STPG2: variants seen among roughly 807,000 people sequenced by gnomAD.
The protein encoded by STPG2 is sperm tail PG-rich repeat containing 2.
Under a neutral mutation model 54.2 loss-of-function variants are expected in STPG2, and 56 were observed. The observed-to-expected ratio is 1.03, with a 90% confidence interval of 0.83 to 1.29. The LOEUF (loss-of-function observed/expected upper bound fraction) is 1.29. Among genes scored for constraint, STPG2 ranks in the 50% most tolerant of loss-of-function variants. The pLI, the probability that STPG2 is intolerant of heterozygous loss-of-function variation, is 0.00. For missense variants in STPG2, 596 were observed against 544.9 expected, an observed-to-expected ratio of 1.09 and a Z score of -0.93; for synonymous variants, 200 against 181.8, an observed-to-expected ratio of 1.10 and a Z score of -0.81.
intron 10 of STPG2, among the ~76,000 whole-genome samples, chr4:97,572,340 CA>C (rs1166688401): frequency 6.6e-6 from 1 of 152,166 alleles, no homozygotes; most frequent in Non-Finnish European, 1.5e-5. Context: ...GCTTATTACT[CA>C]TTCCTGTCAT....
chr4:97,627,791 TAAG>T (rs1236855672), intron 10 of STPG2, among the ~76,000 whole-genome samples: 2 of 152,098 alleles, frequency 1.3e-5, no homozygotes, highest in African/African-American at 2.4e-5. Flanking sequence ...CACTGGTAGC[TAAG>T]AAGTACCATG....
At chr4:97,635,887 C>T (rs983690382) in intron 10 of STPG2, among the ~76,000 whole-genome samples, 2 of 152,004 alleles carry the variant, frequency 1.3e-5, no homozygotes, top group African/African-American at 2.4e-5. Flanking sequence ...CACACATTAA[C>T]AATGGGAGAC....
chr4:97,630,297 G>A (rs944980346), intron 10 of STPG2, among the ~76,000 whole-genome samples: 1 of 151,736 alleles, frequency 6.6e-6, no homozygotes, highest in African/African-American at 2.4e-5. Flanking sequence ...AACAATTGTG[G>A]TTATTTTTAA....
intron 9 of STPG2, among the ~76,000 whole-genome samples, chr4:97,732,181 G>A (rs1047560256): frequency 5.3e-5 from 8 of 152,150 alleles, no homozygotes; most frequent in Admixed American, 1.3e-4. Flanking sequence ...TGCCGCAGCT[G>A]CCCCATTCAC....
chr4:97,533,050 T>C (rs1440148026), intron 4 of STPG2, among the ~76,000 whole-genome samples: 1 of 152,012 alleles, frequency 6.6e-6, no homozygotes, highest in Non-Finnish European at 1.5e-5. Context: ...ACCCGGCTAA[T>C]TTTTTTATTT....
At position 97,841,072 on chromosome 4, in the gene STPG2, TAAA is replaced by T; in HGVS notation, c.1045-143_1045-141del. On this transcript the variant is annotated intron_variant, in intron 8 of 10. Coordinates refer to ENST00000295268, the MANE Select transcript of STPG2 (RefSeq NM_174952.3). Reference sequence around the variant, plus strand: ...TAATTAAACATTAAAAATAGAAACTTAAAAAGGAATTCTTAAATCTAGCCTGCC... The same window carrying T: ...TAATTAAACATTAAAAATAGAAACTTAAGGAATTCTTAAATCTAGCCTGCC... 8.1e-6 allele frequency: 7 copies of T among 863,108 alleles called. No homozygotes were observed. In the South Asian group the frequency reaches 1.6e-4, roughly 20 times the overall value. 53.5% of individuals were successfully genotyped at this position (863,108 alleles called of 1,614,324 possible).
At chr4:97,451,184 A>G (rs1729355916) in intron 4 of STPG2, among the ~76,000 whole-genome samples, 2 of 152,202 alleles carry the variant, frequency 1.3e-5, no homozygotes, top group South Asian at 4.1e-4. Flanking sequence ...TATAAAACAG[A>G]TTAGAATGTC....
intron 7 of STPG2, among the ~76,000 whole-genome samples, chr4:97,948,543 G>T (rs1398465305): frequency 6.6e-6 from 1 of 152,000 alleles, no homozygotes; most frequent in East Asian, 1.9e-4. Context: ...CTCTGATGTA[G>T]GCATTTAGTG....
Position 97,639,834 on chromosome 4 carries a change from T to G in STPG2, c.1320+72865A>C, listed in dbSNP as rs574517945. On this transcript the variant is annotated intron_variant, in intron 10 of 10. Transcript: ENST00000295268. ...TTTGGGAATATGATGATGATAATAA[T>G]AAAAATAAAACTAACAATAACAATA... 1.6e-4 allele frequency among the ~76,000 whole-genome samples: 24 copies of G among 152,004 alleles called. 1 individual carries two copies. The South Asian group carries it at 4.1e-3, about 26-fold the overall frequency.
chr4:97,529,864 A>C (rs1156716428), intron 4 of STPG2, among the ~76,000 whole-genome samples: 1 of 152,140 alleles, frequency 6.6e-6, no homozygotes, highest in Non-Finnish European at 1.5e-5. Context: ...CTCAACTATC[A>C]ATTCCTCAAA....
intron 5 of STPG2, among the ~76,000 whole-genome samples, chr4:98,043,468 G>T (rs1737027567): frequency 6.6e-6 from 1 of 151,812 alleles, no homozygotes; most frequent in Non-Finnish European, 1.5e-5. Flanking sequence ...TACTTTATCT[G>T]TTGTGTAACT....
intron 7 of STPG2, among the ~76,000 whole-genome samples, chr4:97,949,592 G>C (rs918983157): frequency 7.2e-5 from 11 of 151,986 alleles, no homozygotes; most frequent in Admixed American, 7.2e-4. Context: ...TTTCTTGTAG[G>C]GCTGGTCTGG....
At chr4:97,934,139 T>G (rs1732657007) in intron 8 of STPG2, among the ~76,000 whole-genome samples, 1 of 152,078 alleles carries the variant, frequency 6.6e-6, no homozygotes, top group African/African-American at 2.4e-5. Flanking sequence ...TGAATGGGAA[T>G]TACTCATGAT....
intron 3 of STPG2, among the ~76,000 whole-genome samples, chr4:98,126,660 G>C (rs904203652): frequency 2.0e-5 from 3 of 152,168 alleles, no homozygotes; most frequent in African/African-American, 7.2e-5. Flanking sequence ...TTCTCAGTGA[G>C]AGCCACAGAC....
chr4:97,849,444 T>C (rs1225346055), intron 8 of STPG2, among the ~76,000 whole-genome samples: 4 of 151,854 alleles, frequency 2.6e-5, no homozygotes, highest in African/African-American at 9.7e-5. Context: ...CTAAAGAGCT[T>C]CTGCACAGTG....
chr4:97,978,217 G>A (rs1734556850), intron 6 of STPG2, among the ~76,000 whole-genome samples: 1 of 152,124 alleles, frequency 6.6e-6, no homozygotes. Context: ...ACACAAGCAT[G>A]TGTATGTTCA....
chr4:97,758,125 C>G (rs564108791), intron 9 of STPG2, among the ~76,000 whole-genome samples: 1 of 152,086 alleles, frequency 6.6e-6, no homozygotes, highest in Non-Finnish European at 1.5e-5. Context: ...GAGGTAGTGA[C>G]AGGTATTTCA....
At chr4:97,879,515 C>T (rs140071810) in intron 8 of STPG2, among the ~76,000 whole-genome samples, 422 of 152,182 alleles carry the variant, frequency 2.8e-3, no homozygotes, top group African/African-American at 7.1e-3. Flanking sequence ...AGTGGTTTCC[C>T]CTTATAAAGC....
At chr4:97,711,002 A>G (rs911430868) in intron 10 of STPG2, among the ~76,000 whole-genome samples, 18 of 151,720 alleles carry the variant, frequency 1.2e-4, no homozygotes, top group African/African-American at 3.9e-4. Flanking sequence ...ATAAACATCT[A>G]TCATAAAGTA....
Sources: allele counts gnomAD v4.1 joint callset (sites outside exome capture counted in the v4.1 genomes callset), GRCh38; gene constraint gnomAD v4.1.1; transcripts MANE v1.5; gene names NCBI Gene and HGNC (gene_info 2026-07-23, HGNC 2026-07-21).